The following SYTL4 variants were observed in gnomAD, a reference collection of about 807,000 sequenced individuals.
SYTL4 encodes the protein synaptotagmin-like protein 4.
Under a neutral mutation model 52.7 loss-of-function variants are expected in SYTL4, and 16 were observed. That is an observed-to-expected ratio of 0.30 (90% CI 0.21 to 0.46). The LOEUF (loss-of-function observed/expected upper bound fraction) is 0.46. SYTL4 is among the 20% of genes least tolerant of loss of function. The pLI, the probability that SYTL4 is intolerant of heterozygous loss-of-function variation, is 1.00. For synonymous variants in SYTL4, 160 were observed against 186.6 expected (o/e 0.86, Z 1.16); for missense variants, 423 against 519.9 (o/e 0.81, Z 1.81).
rs778692642 is a variant in SYTL4 at position 100,728,161 on chromosome X, T to C, written c.-240+3257A>G. On this transcript the variant is annotated intron_variant, in intron 2 of 19. Coordinates refer to ENST00000372989, the MANE Select transcript of SYTL4 (RefSeq NM_001370165.1). The stretch of plus-strand genomic sequence containing the variant: ...TGTTCAAAGGCTGGGGAGACAAATT[T>C]AGTAGAAAAAGAAGCTGGTCAGCTT... 4.5e-5 allele frequency among the ~76,000 whole-genome samples: 5 copies of C among 111,721 alleles called. No homozygotes were observed. In the South Asian group the frequency reaches 1.9e-3, roughly 42 times the overall value.
chrX:100,716,258 T>C (rs2084207034), intron 2 of SYTL4, among the ~76,000 whole-genome samples: 1 of 107,148 alleles, frequency 9.3e-6, no homozygotes, highest in Non-Finnish European at 1.9e-5. Flanking sequence ...AAGACCAGCC[T>C]GACCAACACG....
chrX:100,682,406 A>T (rs113041522), intron 16 of SYTL4, among the ~76,000 whole-genome samples: 1 of 101,093 alleles, frequency 9.9e-6, no homozygotes, highest in Non-Finnish European at 2.0e-5. Context: ...CTTGCAGGGG[A>T]AAAAAAAAAA....
At chrX:100,724,989 G>C (rs1907118423) in intron 2 of SYTL4, among the ~76,000 whole-genome samples, 1 of 110,022 alleles carries the variant, frequency 9.1e-6, no homozygotes, top group Non-Finnish European at 1.9e-5. Flanking sequence ...ATTTTTATTT[G>C]TTTACATTTT....
chrX:100,708,195 G>A lies in SYTL4; in HGVS notation c.-239-3309C>T, dbSNP rs758513722. 4.4e-4 allele frequency among the ~76,000 whole-genome samples: 48 copies of A among 109,329 alleles called. 1 individual carries two copies. The Admixed American group carries it at 4.7e-3, about 11-fold the overall frequency. 94.9% of individuals were successfully genotyped at this position (109,329 alleles called of 115,157 possible). A position where few individuals can be genotyped will look rare whatever the true frequency, so the allele number is the denominator to read the frequency against. On this transcript the variant is annotated intron_variant, in intron 2 of 19. Transcript: ENST00000372989. Reference sequence around the variant, plus strand: ...CTATGTAACAAACCTGCACATTCTGGTATCCCAGAACTTAAAGTATAATAA... The same window carrying A: ...CTATGTAACAAACCTGCACATTCTGATATCCCAGAACTTAAAGTATAATAA...
intron 2 of SYTL4, among the ~76,000 whole-genome samples, chrX:100,715,799 G>A (rs1395351147): frequency 9.2e-6 from 1 of 108,635 alleles, no homozygotes; most frequent in African/African-American, 3.4e-5. Flanking sequence ...TTAGCCAGGT[G>A]TGGTGGTATG....
chrX:100,716,560 A>G (rs1287595153), intron 2 of SYTL4, among the ~76,000 whole-genome samples: 6 of 106,234 alleles, frequency 5.6e-5, no homozygotes, highest in Admixed American at 1.0e-4. Flanking sequence ...AAAAAAAAAA[A>G]AAAAAAGAAA....
chrX:100,684,026 G>C (rs776013692), intron 16 of SYTL4, among the ~76,000 whole-genome samples: 2 of 111,581 alleles, frequency 1.8e-5, no homozygotes, highest in African/African-American at 6.5e-5. Context: ...TTCTAAATTT[G>C]TAATAATATG....
intron 2 of SYTL4, among the ~76,000 whole-genome samples, chrX:100,708,451 T>C (rs1044042403): frequency 7.2e-5 from 8 of 111,854 alleles, no homozygotes; most frequent in African/African-American, 2.6e-4. Context: ...CTAAAGGACA[T>C]ATGTAGAATT....
At chrX:100,726,320 T>A (rs1009527361) in intron 2 of SYTL4, among the ~76,000 whole-genome samples, 1 of 111,434 alleles carries the variant, frequency 9.0e-6, no homozygotes, top group Non-Finnish European at 1.9e-5. Flanking sequence ...TACACATACA[T>A]AACCTGGATG....
intron 17 of SYTL4, among the ~76,000 whole-genome samples, chrX:100,679,865 A>G (rs749035782): frequency 9.8e-5 from 11 of 111,694 alleles, no homozygotes; most frequent in African/African-American, 3.6e-4. Context: ...TCACCTCCCA[A>G]TTTAAATATC....
intron 6 of SYTL4, 49 bp downstream of exon 6, chrX:100,701,409 C>T: frequency 8.5e-7 from 1 of 1,179,618 alleles, no homozygotes; most frequent in Admixed American, 2.2e-5. Flanking sequence ...AAATTCTCAC[C>T]ACGGCCAAGG....
At chrX:100,680,943 C>T (rs1051546515) in intron 17 of SYTL4, among the ~76,000 whole-genome samples, 3 of 111,650 alleles carry the variant, frequency 2.7e-5, no homozygotes, top group African/African-American at 9.8e-5. Flanking sequence ...CCCTTCTCAG[C>T]CCCAAAGTTT....
chrX:100,714,833 T>C (rs946594153), intron 2 of SYTL4, among the ~76,000 whole-genome samples: 8 of 111,741 alleles, frequency 7.2e-5, no homozygotes, highest in Non-Finnish European at 1.5e-4. Context: ...TAAAATCAAG[T>C]ATAAAAATAA....
At chrX:100,689,702 G>A in intron 12 of SYTL4, 154 bp downstream of exon 12, 1 of 321,020 alleles carries the variant, frequency 3.1e-6, no homozygotes, top group Non-Finnish European at 5.6e-6. Flanking sequence ...AGCAAATCAG[G>A]AACCAGATTT....
In SYTL4 at chrX:100,686,887, A is replaced by T. The variant is rs909339628; in HGVS notation, c.1185-106T>A. 3.6e-6 allele frequency: 3 copies of T among 834,890 alleles called. No individual in the cohort carries two copies. The African/African-American group carries it at 6.2e-5, about 17-fold the overall frequency. 68.8% of individuals were successfully genotyped at this position (834,890 alleles called of 1,213,427 possible). ...TGCCATGGTGACATGTGATGTCAAA[A>T]ATGTCACCTCAAGCCCTCTTAGACA... On this transcript the variant is annotated intron_variant, in intron 14 of 19. Transcript: ENST00000372989.
chrX:100,711,964 G>A (rs1310026517), intron 2 of SYTL4, among the ~76,000 whole-genome samples: 2 of 108,904 alleles, frequency 1.8e-5, no homozygotes, highest in African/African-American at 3.5e-5. Context: ...ATCAATGCAA[G>A]TGTAAAGACA....
At chrX:100,698,390 A>T (rs1043057230) in intron 8 of SYTL4, among the ~76,000 whole-genome samples, 3 of 112,203 alleles carry the variant, frequency 2.7e-5, no homozygotes, top group Non-Finnish European at 5.6e-5. Context: ...GGAGTGAGCC[A>T]CTGTGCCCAG....
At chrX:100,727,689 T>A (rs982226727) in intron 2 of SYTL4, among the ~76,000 whole-genome samples, 1 of 112,097 alleles carries the variant, frequency 8.9e-6, no homozygotes. Flanking sequence ...GCAGAGGAGA[T>A]GGAGACGTGT....
chrX:100,730,991 C>CTCA (rs1020072788), intron 2 of SYTL4, among the ~76,000 whole-genome samples: 1 of 111,220 alleles, frequency 9.0e-6, no homozygotes, highest in Non-Finnish European at 1.9e-5. Flanking sequence ...GTACAGAAGA[C>CTCA]TCATTTTTGC....
Sources: allele counts gnomAD v4.1 joint callset (sites outside exome capture counted in the v4.1 genomes callset), GRCh38; gene constraint gnomAD v4.1.1; transcripts MANE v1.5; gene names NCBI Gene and HGNC (gene_info 2026-07-23, HGNC 2026-07-21).